The following TRPM3 variants were observed in gnomAD, a reference collection of about 807,000 sequenced individuals.
TRPM3 encodes the protein long transient receptor potential channel 3.
A neutral mutation model predicts 181.2 loss-of-function variants in TRPM3; 77 were observed. The observed-to-expected ratio is 0.42, with a 90% CI of 0.35 to 0.51. TRPM3 has a LOEUF of 0.51. TRPM3 is among the 20% of genes least tolerant of loss of function. The pLI is 0.01. For missense variants in TRPM3, 1,759 were observed against 2,196.7 expected, an observed-to-expected ratio of 0.80 and a Z score of 3.98; for synonymous variants, 745 against 796.4, an observed-to-expected ratio of 0.94 and a Z score of 1.09.
At chr9:70,872,911 A>C (rs1434574176) in intron 1 of TRPM3, among the ~76,000 whole-genome samples, 1 of 152,108 alleles carries the variant, frequency 6.6e-6, no homozygotes, top group African/African-American at 2.4e-5. Context: ...GGCGGGACTC[A>C]GATGGTACCA....
intron 5 of TRPM3, among the ~76,000 whole-genome samples, chr9:70,841,661 T>TATATATATATATATATAA (rs1339698170): frequency 5.8e-5 from 5 of 86,094 alleles, no homozygotes; most frequent in African/African-American, 1.9e-4. Flanking sequence ...TATATATATA[T>TATATATATATATATATAA]CCCACCATAT....
intron 1 of TRPM3, among the ~76,000 whole-genome samples, chr9:71,003,205 A>AC (rs1554796514): frequency 4.9e-5 from 7 of 142,316 alleles, no homozygotes; most frequent in African/African-American, 1.7e-4. Context: ...AAAAAAAAAA[A>AC]AAAAAACACT....
intron 6 of TRPM3, among the ~76,000 whole-genome samples, chr9:70,795,185 C>G (rs981365699): frequency 6.6e-6 from 1 of 152,104 alleles, no homozygotes; most frequent in Non-Finnish European, 1.5e-5. Flanking sequence ...TGGAACCAAT[C>G]CCCCATGGAC....
At chr9:70,886,497 G>T (rs570010585) in intron 1 of TRPM3, among the ~76,000 whole-genome samples, 1 of 152,122 alleles carries the variant, frequency 6.6e-6, no homozygotes, top group South Asian at 2.1e-4. Context: ...TTAACCCCGG[G>T]TCTACAGTGC....
intron 1 of TRPM3, among the ~76,000 whole-genome samples, chr9:71,111,282 C>T (rs1470270639): frequency 6.6e-6 from 1 of 152,126 alleles, no homozygotes; most frequent in East Asian, 1.9e-4. Flanking sequence ...AAAGTTAAAG[C>T]ATTCCCTTCC....
rs186155178 is a variant in TRPM3 at position 71,370,813 on chromosome 9, C to T, written c.183+75840G>A. On this transcript the variant is annotated intron_variant, in intron 1 of 24. Transcript: ENST00000357533. ...AGAAGACCACCTAGGACTTTCACAG[C>T]TAGAGCAGAGAAGTCAATTCTTCAA... is the stretch of plus-strand genomic sequence containing the variant. Among the ~76,000 whole-genome samples the T allele has an allele frequency of 4.6e-5, 7 of 152,314 alleles. No individual in the cohort carries two copies. In the East Asian group the frequency reaches 1.4e-3, roughly 29 times the overall value.
chr9:70,739,560 A>C (rs1292546734), intron 8 of TRPM3, among the ~76,000 whole-genome samples: 2 of 152,088 alleles, frequency 1.3e-5, no homozygotes, highest in African/African-American at 4.8e-5. Context: ...TCCCCTGAGA[A>C]CTGGAACAAG....
intron 1 of TRPM3, among the ~76,000 whole-genome samples, chr9:71,086,299 C>T (rs1307185792): frequency 1.3e-5 from 2 of 151,582 alleles, no homozygotes; most frequent in Non-Finnish European, 2.9e-5. Context: ...ACCTCAGTAT[C>T]ATGTAATATA....
At chr9:70,946,661 C>T (rs2096936769) in intron 1 of TRPM3, among the ~76,000 whole-genome samples, 2 of 151,998 alleles carry the variant, frequency 1.3e-5, no homozygotes, top group African/African-American at 4.8e-5. Flanking sequence ...ATGTAACAAG[C>T]ATCTAGACCA....
chr9:71,296,802 G>C (rs1425787250), intron 1 of TRPM3, among the ~76,000 whole-genome samples: 1 of 152,048 alleles, frequency 6.6e-6, no homozygotes, highest in East Asian at 1.9e-4. Flanking sequence ...TAAAAAGAAA[G>C]AGCTGGTTTT....
intron 6 of TRPM3, among the ~76,000 whole-genome samples, chr9:70,816,923 A>C (rs1564428754): frequency 6.6e-6 from 1 of 152,246 alleles, no homozygotes; most frequent in Non-Finnish European, 1.5e-5. Context: ...CTTATCACTA[A>C]GAAGCTCACA....
chr9:70,593,607 A>G (rs981862699), intron 21 of TRPM3, among the ~76,000 whole-genome samples: 10 of 152,196 alleles, frequency 6.6e-5, no homozygotes, highest in Non-Finnish European at 1.3e-4. Context: ...ACAATCAAAG[A>G]GAAGAAACAT....
At chr9:71,330,174 C>T (rs961423706) in intron 1 of TRPM3, among the ~76,000 whole-genome samples, 6 of 151,852 alleles carry the variant, frequency 4.0e-5, no homozygotes, top group African/African-American at 1.5e-4. Context: ...GGACCACACA[C>T]AGGAACATCT....
At chr9:70,823,574 C>A (rs2093346819) in intron 6 of TRPM3, among the ~76,000 whole-genome samples, 1 of 152,226 alleles carries the variant, frequency 6.6e-6, no homozygotes, top group Non-Finnish European at 1.5e-5. Context: ...CACACGTGTG[C>A]ATGCACACAA....
At chr9:71,393,410 T>G (rs1178228675) in intron 1 of TRPM3, among the ~76,000 whole-genome samples, 1 of 152,038 alleles carries the variant, frequency 6.6e-6, no homozygotes, top group African/African-American at 2.4e-5. Context: ...AAGACAGTGA[T>G]GGGGCAAGAA....
At chr9:70,924,319 T>G (rs941071688) in intron 1 of TRPM3, among the ~76,000 whole-genome samples, 4 of 152,142 alleles carry the variant, frequency 2.6e-5, no homozygotes, top group African/African-American at 9.7e-5. Flanking sequence ...GTCATCTACT[T>G]CCATATACTA....
rs1182188162 is a variant in TRPM3, at chr9:71,335,840, T to C, written c.183+110813A>G. ...CAATACTAAATATCTTTAACCCTTT[T>C]ACAAGTGGGGAGATACGATCCTTTT... On this transcript the variant is annotated intron_variant, in intron 1 of 24. Transcript: ENST00000357533. Among the ~76,000 whole-genome samples, 3 of 152,164 alleles carry C rather than the reference T, an allele frequency of 2.0e-5. No individual in the cohort carries two copies. The South Asian group carries it at 6.2e-4, about 32-fold the overall frequency.
chr9:70,569,387 G>A (rs1029632207), intron 22 of TRPM3, among the ~76,000 whole-genome samples: 2 of 152,182 alleles, frequency 1.3e-5, no homozygotes, highest in African/African-American at 4.8e-5. Context: ...TTAAAGACAA[G>A]CATAAAATGA....
At chr9:70,998,195 A>ATATGTATATACATATATACATATATATG (rs1362085115) in intron 1 of TRPM3, among the ~76,000 whole-genome samples, 3 of 146,358 alleles carry the variant, frequency 2.0e-5, no homozygotes, top group African/African-American at 7.5e-5. Flanking sequence ...ATATATACAC[A>ATATGTATATACATATATACATATATATG]TATATACATA....
Sources: gnomAD v4.1 joint callset for allele counts (sites outside exome capture counted in the v4.1 genomes callset) on GRCh38, gnomAD v4.1.1 for gene constraint, MANE v1.5 for transcripts, NCBI Gene and HGNC (gene_info 2026-07-23, HGNC 2026-07-21) for gene names.